Variants in GRID2 observed in about 807,000 individuals in gnomAD.
GRID2 encodes glutamate receptor ionotropic, delta-2.
In GRID2, 33 loss-of-function variants were observed where a neutral mutation model predicts 114.8. The ratio of observed to expected loss-of-function variants is 0.29; its 90% CI spans 0.22 to 0.38. The LOEUF (loss-of-function observed/expected upper bound fraction) is 0.38. GRID2 is among the 10% of genes least tolerant of loss of function. GRID2 has a pLI of 1.00. For synonymous variants in GRID2, 505 were observed against 449.9 expected, an observed-to-expected ratio of 1.12 and a Z score of -1.55; for missense variants, 1,184 against 1,257.7, an observed-to-expected ratio of 0.94 and a Z score of 0.89.
At chr4:92,480,938 G>C (rs1178088453) in intron 1 of GRID2, among the ~76,000 whole-genome samples, 3 of 152,038 alleles carry the variant, frequency 2.0e-5, no homozygotes, top group African/African-American at 7.3e-5. Flanking sequence ...CAACTCTCTT[G>C]TTCAGCTTTT....
At chr4:93,133,224 T>C (rs548085429) in intron 4 of GRID2, among the ~76,000 whole-genome samples, 1 of 152,308 alleles carries the variant, frequency 6.6e-6, no homozygotes, top group African/African-American at 2.4e-5. Context: ...ATTGTTTTGT[T>C]TGAAGCCATT....
At chr4:93,153,142 A>C (rs902268281) in intron 4 of GRID2, among the ~76,000 whole-genome samples, 1 of 152,136 alleles carries the variant, frequency 6.6e-6, no homozygotes, top group Non-Finnish European at 1.5e-5. Flanking sequence ...AAAAGACTGG[A>C]GGTAAAATTA....
At chr4:92,380,395 G>A (rs1729561218) in intron 1 of GRID2, among the ~76,000 whole-genome samples, 1 of 151,892 alleles carries the variant, frequency 6.6e-6, no homozygotes, top group South Asian at 2.1e-4. Flanking sequence ...TGATCCTCAG[G>A]TTGTTATCTG....
At chr4:93,382,802 A>AT (rs968450395) in intron 8 of GRID2, among the ~76,000 whole-genome samples, 17 of 149,984 alleles carry the variant, frequency 1.1e-4, no homozygotes, top group East Asian at 7.8e-4. Flanking sequence ...ATGCCTTATA[A>AT]TTTTTTTTTG....
chr4:92,795,169 T>C (rs1739801599), intron 2 of GRID2, among the ~76,000 whole-genome samples: 1 of 151,532 alleles, frequency 6.6e-6, no homozygotes, highest in Non-Finnish European at 1.5e-5. Context: ...AGGAGAGTGA[T>C]ATGATTTGTC....
chr4:92,918,941 T>G (rs1455991050), intron 2 of GRID2, among the ~76,000 whole-genome samples: 2 of 152,206 alleles, frequency 1.3e-5, no homozygotes, highest in Non-Finnish European at 2.9e-5. Context: ...AGTTCCTCCT[T>G]GTACCTCTGG....
chr4:93,299,712 TA>T (rs1341401595), intron 8 of GRID2, among the ~76,000 whole-genome samples: 2 of 151,930 alleles, frequency 1.3e-5, no homozygotes, highest in African/African-American at 2.4e-5. Context: ...AAAATATATA[TA>T]TAAAAAAAGG....
chr4:92,994,480 G>A (rs1755082875), intron 2 of GRID2, among the ~76,000 whole-genome samples: 1 of 152,026 alleles, frequency 6.6e-6, no homozygotes, highest in East Asian at 1.9e-4. Context: ...AGCCTCCCAA[G>A]TAGGGGAATT....
intron 13 of GRID2, among the ~76,000 whole-genome samples, chr4:93,581,574 A>G (rs1736986441): frequency 1.3e-5 from 2 of 152,308 alleles, no homozygotes; most frequent in African/African-American, 2.4e-5. Context: ...TGTTTAAACT[A>G]GAAAGGACCA....
intron 8 of GRID2, among the ~76,000 whole-genome samples, chr4:93,345,784 T>C (rs995330225): frequency 5.9e-5 from 9 of 152,240 alleles, no homozygotes; most frequent in East Asian, 1.9e-4. Flanking sequence ...AGATCTTATG[T>C]TTAGGTCTTA....
At chr4:93,332,295 T>TGAGAGAGAGAGAGAGA (rs1353456848) in intron 8 of GRID2, among the ~76,000 whole-genome samples, 47 of 128,960 alleles carry the variant, frequency 3.6e-4, no homozygotes, top group African/African-American at 1.4e-3. Flanking sequence ...TGTGTGTGTG[T>TGAGAGAGAGAGAGAGA]GTGTGAGAGA....
chr4:92,691,924 T>G (rs1343116103), intron 2 of GRID2, among the ~76,000 whole-genome samples: 1 of 151,834 alleles, frequency 6.6e-6, no homozygotes, highest in African/African-American at 2.4e-5. Flanking sequence ...ATATAGAATT[T>G]TATGGAAATA....
chr4:93,795,175 A>G (rs550021798), intron 1 of GRID2, among the ~76,000 whole-genome samples: 1 of 142,238 alleles, frequency 7.0e-6, no homozygotes, highest in East Asian at 1.9e-4. Context: ...TAGCACAAAA[A>G]TAATTTCTTT....
intron 12 of GRID2, among the ~76,000 whole-genome samples, chr4:93,510,416 A>G (rs1408918159): frequency 6.6e-6 from 1 of 152,216 alleles, no homozygotes; most frequent in Non-Finnish European, 1.5e-5. Context: ...AAGATAGGAA[A>G]AAAATATAAG....
chr4:92,332,414 A>G (rs1025259833), intron 1 of GRID2, among the ~76,000 whole-genome samples: 2 of 151,820 alleles, frequency 1.3e-5, no homozygotes, highest in African/African-American at 4.9e-5. Flanking sequence ...AGCTCCCACC[A>G]CTATTGCACT....
chr4:92,570,696 A>G (rs773896354), intron 1 of GRID2, among the ~76,000 whole-genome samples: 10 of 151,362 alleles, frequency 6.6e-5, no homozygotes, highest in Non-Finnish European at 1.5e-4. Flanking sequence ...TAGGTATTTT[A>G]TTCTTTTGGT....
intron 8 of GRID2, 136 bp downstream of exon 8, chr4:93,238,626 A>C: frequency 1.7e-6 from 1 of 597,014 alleles, no homozygotes; most frequent in Non-Finnish European, 2.8e-6. Context: ...GTGAGGGGAA[A>C]TTAGGCATTG....
At chr4:93,707,967 T>C (rs569272953) in intron 14 of GRID2, among the ~76,000 whole-genome samples, 1 of 151,998 alleles carries the variant, frequency 6.6e-6, no homozygotes, top group East Asian at 1.9e-4. Flanking sequence ...TTCAGGAGCA[T>C]ATTGTTTAAT....
In GRID2 at chr4:93,512,397, C is replaced by T. The variant is rs192087534; in HGVS notation, c.1998-2819C>T. Among the ~76,000 whole-genome samples the T allele has an allele frequency of 1.2e-3, 175 of 152,114 alleles. 2 individuals are homozygous for T. Among genetic ancestry groups the T allele is most frequent in the Admixed American group, 2.6e-4 (4 of 15,268 alleles). ...CTTAGTATGAAAAATACAAAGTGAC[C>T]GCTTGTAATAGTTACTCCCTTTCTA... is the stretch of plus-strand genomic sequence containing the variant. On this transcript the variant is annotated intron_variant, in intron 12 of 15. Coordinates refer to ENST00000282020, the MANE Select transcript of GRID2 (RefSeq NM_001510.4).
Sources: gnomAD v4.1 joint callset for allele counts (sites outside exome capture counted in the v4.1 genomes callset) on GRCh38, gnomAD v4.1.1 for gene constraint, MANE v1.5 for transcripts, NCBI Gene and HGNC (gene_info 2026-07-23, HGNC 2026-07-21) for gene names.